MET: variants seen among roughly 807,000 people sequenced by gnomAD.
MET encodes hepatocyte growth factor receptor.
MET carries 48 observed loss-of-function variants against 133.1 expected under a neutral mutation model. That is an observed-to-expected ratio of 0.36 (90% CI 0.29 to 0.46). MET has a LOEUF of 0.46. Ranked by LOEUF, MET falls within the 20% of genes least tolerant of loss-of-function variation. The pLI is 1.00. For missense variants in MET, 1,442 were observed against 1,695.9 expected (o/e 0.85, Z 2.63); for synonymous variants, 628 against 616.5 (o/e 1.02, Z -0.28).
chr7:116,794,827 G>A (rs1296882636), intron 19 of MET, among the ~76,000 whole-genome samples: 1 of 152,176 alleles, frequency 6.6e-6, no homozygotes. Flanking sequence ...CACATGTCCA[G>A]GGGGAGATAA....
rs1240760202 is a variant in MET, at chr7:116,740,962, G to A, written c.1638G>A (p.Val546=). Residue 546 remains valine, a synonymous_variant, in exon 5 of 21, where the codon GTG becomes GTA. Transcript: ENST00000397752. ...VQCGWCHDKC[V]RSEECLSGTW... Reference sequence around the variant, plus strand: ...GTGGCTGGTGCCACGACAAATGTGTGCGATCGGAGGAATGCCTGAGCGGGA... The same window carrying A: ...GTGGCTGGTGCCACGACAAATGTGTACGATCGGAGGAATGCCTGAGCGGGA... The A allele has an allele frequency of 1.9e-6, 3 of 1,614,016 alleles. No individual in the cohort carries two copies. Among genetic ancestry groups the A allele is most frequent in the East Asian group, 4.5e-5 (2 of 44,854 alleles).
At chr7:116,740,179 C>T (rs2116829807) in intron 4 of MET, 95 bp downstream of exon 4, 1 of 1,412,224 alleles carries the variant, frequency 7.1e-7, no homozygotes, top group South Asian at 1.2e-5. Flanking sequence ...TGTCTCTCTT[C>T]ATCTTAAATT....
At chr7:116,769,591 A>G (rs1794762171) in intron 11 of MET, 54 bp from the exon 12 acceptor site, 2 of 1,599,000 alleles carry the variant, frequency 1.3e-6, no homozygotes, top group Non-Finnish European at 1.7e-6. Flanking sequence ...CATTGTTAGC[A>G]TTCCTGCAGA....
rs1319555960 is a variant in MET at position 116,758,471 on chromosome 7, T to C, written c.2115T>C (p.Ser705=). The change falls in exon 9 of 21, where the codon AGT becomes AGC. Residue 705 remains serine, a synonymous_variant. Transcript: ENST00000397752. ...TTTTTTTGTTCAGTGTGTCAAACAG[T>C]ATTCTTGAATGTTATACCCCAGCCC... The part of the protein sequence containing the change: ...KTCTLKSVSN[S]ILECYTPAQT... 6.2e-7 allele frequency: 1 copy of C among 1,613,794 alleles called. No individual in the cohort carries two copies. Among genetic ancestry groups the C allele is most frequent in the South Asian group, 1.1e-5 (1 of 91,084 alleles).
intron 19 of MET, among the ~76,000 whole-genome samples, chr7:116,785,334 CT>C (rs1795279867): frequency 6.6e-6 from 1 of 152,188 alleles, no homozygotes; most frequent in South Asian, 2.1e-4. Context: ...AAGGGGAGGT[CT>C]CAGGGAGCTT....
chr7:116,759,748 CAG>C, intron 10 of MET: 2 of 472,032 alleles, frequency 4.2e-6, no homozygotes. Context: ...CAATTTGAGA[CAG>C]TGTTTTTTTA....
At chr7:116,706,375 A>G (rs773507438) in intron 2 of MET, among the ~76,000 whole-genome samples, 1 of 152,140 alleles carries the variant, frequency 6.6e-6, no homozygotes, top group Non-Finnish European at 1.5e-5. Flanking sequence ...AATGAAATAA[A>G]TCTTAAAGTT....
At chr7:116,743,798 T>C (rs1793553847) in intron 5 of MET, among the ~76,000 whole-genome samples, 1 of 152,104 alleles carries the variant, frequency 6.6e-6, no homozygotes, top group African/African-American at 2.4e-5. Flanking sequence ...CTGGCTGGCA[T>C]CTGGTGGGTG....
At chr7:116,730,116 G>A (rs993739199) in intron 2 of MET, among the ~76,000 whole-genome samples, 1 of 152,204 alleles carries the variant, frequency 6.6e-6, no homozygotes. Flanking sequence ...GACTTAGATA[G>A]TGGGGTCAGG....
At chr7:116,787,573 C>T (rs1031155122) in intron 19 of MET, among the ~76,000 whole-genome samples, 1 of 152,052 alleles carries the variant, frequency 6.6e-6, no homozygotes, top group African/African-American at 2.4e-5. Flanking sequence ...CTCTAACAAA[C>T]CCCCTTCCAC....
chr7:116,697,606 T>A (rs1446336684), intron 1 of MET, among the ~76,000 whole-genome samples: 1 of 152,184 alleles, frequency 6.6e-6, no homozygotes, highest in Admixed American at 6.5e-5. Flanking sequence ...AATTTCGGCT[T>A]AATTTTTATT....
At chr7:116,684,734 G>A (rs1394127304) in intron 1 of MET, among the ~76,000 whole-genome samples, 10 of 152,198 alleles carry the variant, frequency 6.6e-5, no homozygotes, top group Non-Finnish European at 1.3e-4. Flanking sequence ...CTAATGGTGT[G>A]ATGGCAAGAG....
intron 19 of MET, among the ~76,000 whole-genome samples, chr7:116,789,061 A>G (rs1352046770): frequency 1.3e-5 from 2 of 152,148 alleles, no homozygotes; most frequent in Non-Finnish European, 2.9e-5. Context: ...CATCTTTCTG[A>G]AGTGTTTAAC....
rs1209937129 is a variant in MET, at chr7:116,798,242, G to T, written c.*2118G>T. 1 of 208,334 alleles carries T rather than the reference G, an allele frequency of 4.8e-6. No homozygotes were observed. Among genetic ancestry groups the T allele is most frequent in the East Asian group, 7.2e-5 (1 of 13,808 alleles). 12.9% of individuals were successfully genotyped at this position (208,334 alleles called of 1,614,324 possible). On this transcript the variant is annotated 3_prime_UTR_variant, in exon 21 of 21. Coordinates refer to ENST00000397752, the MANE Select transcript of MET (RefSeq NM_000245.4). ...AACTTGTCCTTAGATTAATGTGTCT[G>T]GACAGATTGTGGGAGTAAGTGATTC...
chr7:116,726,141 A>ATG (rs1792743740), intron 2 of MET, among the ~76,000 whole-genome samples: 44 of 63,452 alleles, frequency 6.9e-4, no homozygotes, highest in Admixed American at 2.2e-3. Flanking sequence ...GACTATATAT[A>ATG]TGTATATATA....
chr7:116,775,611 C>T (rs1445558360), intron 15 of MET, among the ~76,000 whole-genome samples: 1 of 152,052 alleles, frequency 6.6e-6, no homozygotes. Context: ...GAGGCTGAAG[C>T]AAGGAGAATT....
chr7:116,696,534 T>A (rs1048959391), intron 1 of MET, among the ~76,000 whole-genome samples: 1 of 152,222 alleles, frequency 6.6e-6, no homozygotes, highest in African/African-American at 2.4e-5. Context: ...ACCAACGTCC[T>A]CCTTGAGACC....
intron 1 of MET, among the ~76,000 whole-genome samples, chr7:116,682,911 T>G (rs772603428): frequency 1.3e-5 from 2 of 152,170 alleles, no homozygotes; most frequent in Non-Finnish European, 2.9e-5. Context: ...CCCAGTTGTT[T>G]CCATGTCACC....
chr7:116,796,075 C>G lies in MET; in HGVS notation c.4124C>G (p.Ala1375Gly). ...YPSLLSSEDN[A>G]DDEVDTRPAS... Reference sequence around the variant, plus strand: ...TCTCTGTTGTCATCAGAAGATAACGCTGATGATGAGGTGGACACACGACCA... The same window carrying G: ...TCTCTGTTGTCATCAGAAGATAACGGTGATGATGAGGTGGACACACGACCA... Residue 1375 changes from alanine to glycine, a missense_variant, in exon 21 of 21, where the codon GCT becomes GGT. Transcript: ENST00000397752. 6.2e-7 allele frequency: 1 copy of G among 1,613,954 alleles called. No individual in the cohort carries two copies. Among genetic ancestry groups the G allele is most frequent in the Non-Finnish European group, 8.5e-7 (1 of 1,179,912 alleles).
Sources: allele counts gnomAD v4.1 joint callset (sites outside exome capture counted in the v4.1 genomes callset), GRCh38; gene constraint gnomAD v4.1.1; transcripts MANE v1.5; gene names NCBI Gene and HGNC (gene_info 2026-07-23, HGNC 2026-07-21).